Variants in SHANK2 observed in about 807,000 individuals in gnomAD.
SHANK2 encodes SH3 and multiple ankyrin repeat domains protein 2.
In SHANK2, 43 loss-of-function variants were observed where a neutral mutation model predicts 133.7. The observed-to-expected ratio is 0.32, with a 90% CI of 0.25 to 0.41. The LOEUF is 0.41. SHANK2 is among the 10% of genes least tolerant of loss of function. The pLI is 1.00. For missense variants in SHANK2, 1,994 were observed against 2,235.8 expected (o/e 0.89, Z 2.18); for synonymous variants, 1,017 against 952.8 (o/e 1.07, Z -1.24).
At position 70,908,081 on chromosome 11, in the gene SHANK2, G is replaced by T. The variant is rs574082462; in HGVS notation, c.1108-11514C>A. 21 of 248,324 alleles carry T rather than the reference G, an allele frequency of 8.5e-5. No individual in the cohort carries two copies. The East Asian group carries it at 2.4e-3, about 28-fold the overall frequency. 15.4% of individuals were successfully genotyped at this position (248,324 alleles called of 1,614,324 possible). A position where few individuals can be genotyped will look rare whatever the true frequency, so the allele number is the denominator to read the frequency against. On this transcript the variant is annotated intron_variant, in intron 10 of 25. Transcript: ENST00000601538. Reference sequence around the variant, plus strand: ...GTGCCATTGCACTCTGCGCAACAGAGTGAGAGTCCATCTCAAAAAAAAAGA... The same window carrying T: ...GTGCCATTGCACTCTGCGCAACAGATTGAGAGTCCATCTCAAAAAAAAAGA...
intron 15 of SHANK2, among the ~76,000 whole-genome samples, chr11:70,691,967 G>T (rs1179719855): frequency 6.6e-6 from 1 of 152,118 alleles, no homozygotes; most frequent in African/African-American, 2.4e-5. Flanking sequence ...ATAATCTCTT[G>T]CCCTGCCCCA....
At chr11:70,697,447 G>A (rs1480417827) in intron 15 of SHANK2, among the ~76,000 whole-genome samples, 2 of 152,160 alleles carry the variant, frequency 1.3e-5, no homozygotes, top group South Asian at 2.1e-4. Flanking sequence ...GGCAGGCAGA[G>A]CCCACAGACA....
Position 70,764,896 on chromosome 11 carries a change from C to T in SHANK2, c.1777+33547G>A, listed in dbSNP as rs192500104. 2.4e-3 allele frequency among the ~76,000 whole-genome samples: 366 copies of T among 152,284 alleles called. 1 individual carries two copies. The highest frequency in any genetic ancestry group is 5.0e-3 in the South Asian group (24 of 4,828). On this transcript the variant is annotated intron_variant, in intron 14 of 25. Coordinates refer to ENST00000601538, the MANE Select transcript of SHANK2 (RefSeq NM_012309.5). ...ATATTTATTAGCACCTGTTTTATGC[C>T]AAGTTCTATGCAGGGCAGGCACTGA...
At chr11:70,796,635 G>A (rs540182030) in intron 14 of SHANK2, among the ~76,000 whole-genome samples, 11 of 152,340 alleles carry the variant, frequency 7.2e-5, no homozygotes, top group African/African-American at 2.4e-4. Flanking sequence ...GGTGGGTGTG[G>A]ACCAGGGGTG....
intron 10 of SHANK2, among the ~76,000 whole-genome samples, chr11:70,945,923 A>T (rs1413966365): frequency 6.6e-6 from 1 of 151,424 alleles, no homozygotes; most frequent in African/African-American, 2.4e-5. Flanking sequence ...CTCTCCACTA[A>T]CCAAACCTTC....
intron 10 of SHANK2, among the ~76,000 whole-genome samples, chr11:70,942,102 G>A (rs1472321219): frequency 1.3e-5 from 2 of 152,118 alleles, no homozygotes; most frequent in African/African-American, 2.4e-5. Flanking sequence ...CAGGAGAATT[G>A]TGTGAACCCA....
intron 17 of SHANK2, among the ~76,000 whole-genome samples, chr11:70,637,958 A>G (rs1254425560): frequency 1.3e-5 from 2 of 151,986 alleles, no homozygotes; most frequent in African/African-American, 2.4e-5. Flanking sequence ...CCCACTGAGC[A>G]CAGGTTCTCG....
At chr11:70,590,706 A>G (rs1370205678) in intron 17 of SHANK2, among the ~76,000 whole-genome samples, 10 of 152,198 alleles carry the variant, frequency 6.6e-5, no homozygotes, top group African/African-American at 2.4e-4. Flanking sequence ...CTGCTTAGAC[A>G]TGATGCTATT....
chr11:70,809,979 A>T (rs559035174), intron 12 of SHANK2, among the ~76,000 whole-genome samples: 1 of 152,302 alleles, frequency 6.6e-6, no homozygotes, highest in South Asian at 2.1e-4. Context: ...CACAATATGG[A>T]GCCCACCGGG....
chr11:70,738,113 C>T (rs955013873), intron 14 of SHANK2, among the ~76,000 whole-genome samples: 3 of 152,230 alleles, frequency 2.0e-5, no homozygotes, highest in South Asian at 2.1e-4. Flanking sequence ...CTGAAAGCCC[C>T]GAAATCTGTC....
chr11:70,845,962 T>A (rs1374149439), intron 11 of SHANK2, among the ~76,000 whole-genome samples: 2 of 152,118 alleles, frequency 1.3e-5, no homozygotes, highest in East Asian at 3.9e-4. Context: ...AGAGACGCTG[T>A]TCCCCGTCTC....
In SHANK2 at chr11:71,085,467, T is replaced by TATATATAATATATATGTTATATA. The variant is rs1182948215; in HGVS notation, c.912+6932_912+6954dup. On this transcript the variant is annotated intron_variant, in intron 8 of 25. Transcript: ENST00000601538. Reference sequence around the variant, plus strand: ...CAAGACTCCATCTTAAATATATATATATATATAATATATATGTTATATAAT... The same window carrying TATATATAATATATATGTTATATA: ...CAAGACTCCATCTTAAATATATATATATATATAATATATATGTTATATAATATATAATATATATGTTATATAAT... 1.2e-3 allele frequency among the ~76,000 whole-genome samples: 144 copies of TATATATAATATATATGTTATATA among 124,096 alleles called. 1 individual carries two copies. The highest frequency in any genetic ancestry group is 2.0e-3 in the Non-Finnish European group (128 of 62,608). The allele number at this position is 124,096 out of a possible 152,430, so 81.4% of individuals were successfully genotyped here. A position where few individuals can be genotyped will look rare whatever the true frequency, so the allele number is the denominator to read the frequency against.
At chr11:70,556,393 T>TTCTC (rs1157375439) in intron 17 of SHANK2, among the ~76,000 whole-genome samples, 63 of 11,972 alleles carry the variant, frequency 5.3e-3, no homozygotes, top group African/African-American at 9.6e-3. Context: ...CTTTCTTTCT[T>TTCTC]TCTCTCTCTC....
At position 70,951,865 on chromosome 11, in the gene SHANK2, T is replaced by C. The variant is rs142440772; in HGVS notation, c.1108-55298A>G. Among the ~76,000 whole-genome samples the C allele has an allele frequency of 4.3e-3, 654 of 152,332 alleles. 1 individual carries two copies. Among genetic ancestry groups the C allele is most frequent in the Non-Finnish European group, 6.5e-3 (444 of 68,030 alleles). On this transcript the variant is annotated intron_variant, in intron 10 of 25. Coordinates refer to ENST00000601538, the MANE Select transcript of SHANK2 (RefSeq NM_012309.5). ...CACATCACTCCAATCTTGGCCTCCA[T>C]CTTCACGTGGCGTTCTAACCCTTGT...
intron 14 of SHANK2, among the ~76,000 whole-genome samples, chr11:70,747,098 A>C (rs1370423869): frequency 6.7e-6 from 1 of 148,896 alleles, no homozygotes; most frequent in African/African-American, 2.5e-5. Context: ...GGTCCCCACG[A>C]GTGACTGGGG....
At chr11:71,083,083 T>G (rs1951323446) in intron 8 of SHANK2, among the ~76,000 whole-genome samples, 1 of 152,118 alleles carries the variant, frequency 6.6e-6, no homozygotes, top group South Asian at 2.1e-4. Flanking sequence ...TAGCTGGGAT[T>G]ACAGGAATGT....
intron 2 of SHANK2, among the ~76,000 whole-genome samples, chr11:71,207,132 G>GAA (rs60645507): frequency 1.1e-3 from 141 of 123,034 alleles, no homozygotes; most frequent in African/African-American, 3.9e-3. Context: ...TGGAAGGAAA[G>GAA]AAAAAAAAAT....
At chr11:70,718,113 GC>G (rs1336085416) in intron 14 of SHANK2, among the ~76,000 whole-genome samples, 1 of 152,136 alleles carries the variant, frequency 6.6e-6, no homozygotes, top group Non-Finnish European at 1.5e-5. Flanking sequence ...GGTGAAGGAC[GC>G]CTGAAAAACC....
chr11:70,713,916 T>C (rs1248348998), intron 14 of SHANK2, among the ~76,000 whole-genome samples: 1 of 152,248 alleles, frequency 6.6e-6, no homozygotes, highest in Non-Finnish European at 1.5e-5. Flanking sequence ...TCTGTGCCAG[T>C]GTCCAAGCTC....
Sources: allele counts gnomAD v4.1 joint callset (sites outside exome capture counted in the v4.1 genomes callset), GRCh38; gene constraint gnomAD v4.1.1; transcripts MANE v1.5; gene names NCBI Gene and HGNC (gene_info 2026-07-23, HGNC 2026-07-21).